HECW1: variants seen among roughly 807,000 people sequenced by gnomAD.
HECW1 encodes the protein E3 ubiquitin-protein ligase HECW1.
HECW1 carries 61 observed loss-of-function variants against 182.3 expected under a neutral mutation model. The ratio of observed to expected loss-of-function variants is 0.33; its 90% CI spans 0.27 to 0.41. The LOEUF is 0.41. Ranked by LOEUF, HECW1 falls within the 10% of genes least tolerant of loss-of-function variation. The probability of loss-of-function intolerance (pLI) is 1.00; values close to 1 mark genes in which losing one functional copy is unlikely to be tolerated. For missense variants in HECW1, 1,739 were observed against 2,108.9 expected (o/e 0.82, Z 3.44); for synonymous variants, 859 against 832.6 (o/e 1.03, Z -0.55).
At chr7:43,220,760 T>C (rs1337230306) in intron 2 of HECW1, among the ~76,000 whole-genome samples, 1 of 152,128 alleles carries the variant, frequency 6.6e-6, no homozygotes, top group Non-Finnish European at 1.5e-5. Context: ...GGCAACCAGA[T>C]AGTAGGTTTA....
rs550849641 is a variant in HECW1, at chr7:43,499,671, T to G, written c.3438-1028T>G. On this transcript the variant is annotated intron_variant, in intron 19 of 29. Coordinates refer to ENST00000395891, the MANE Select transcript of HECW1 (RefSeq NM_015052.5). ...AAGATTAAAAAAAAACATCCTTAAT[T>G]TTCCCTATTTCTGCTGCATCTCTTC... Among the ~76,000 whole-genome samples the G allele has an allele frequency of 6.8e-4, 103 of 152,272 alleles. 1 individual carries two copies. Among genetic ancestry groups the G allele is most frequent in the African/African-American group, 2.1e-3 (88 of 41,548 alleles).
At chr7:43,427,226 A>T (rs575593813) in intron 8 of HECW1, among the ~76,000 whole-genome samples, 12 of 152,322 alleles carry the variant, frequency 7.9e-5, no homozygotes, top group African/African-American at 2.9e-4. Context: ...TGATCAATAT[A>T]ATGTCAGTCA....
intron 2 of HECW1, among the ~76,000 whole-genome samples, chr7:43,163,660 A>G (rs1419460376): frequency 1.3e-5 from 2 of 152,314 alleles, no homozygotes; most frequent in East Asian, 1.9e-4. Context: ...CCCCTGGGAA[A>G]GAGTTGCCCC....
chr7:43,372,904 T>C (rs2074167931), intron 6 of HECW1, among the ~76,000 whole-genome samples: 1 of 152,122 alleles, frequency 6.6e-6, no homozygotes, highest in African/African-American at 2.4e-5. Context: ...TCAAGTGATA[T>C]AGATGCCTGT....
At position 43,265,478 on chromosome 7, in the gene HECW1, T is replaced by C. The variant is rs74904823; in HGVS notation, c.27+21546T>C. ...AGCTATAATATCAGATAACATAAGT[T>C]TATGTTGAAATGTATAAAATTGTTC... On this transcript the variant is annotated intron_variant, in intron 3 of 29. Coordinates refer to ENST00000395891, the MANE Select transcript of HECW1 (RefSeq NM_015052.5). Among the ~76,000 whole-genome samples the C allele has an allele frequency of 5.5e-3, 841 of 152,284 alleles. 6 individuals carry two copies. Among genetic ancestry groups the C allele is most frequent in the Admixed American group, 0.029 (441 of 15,290 alleles).
At chr7:43,304,421 C>T (rs1284840475) in intron 3 of HECW1, among the ~76,000 whole-genome samples, 1 of 152,164 alleles carries the variant, frequency 6.6e-6, no homozygotes, top group Non-Finnish European at 1.5e-5. Context: ...CACCCCAGCC[C>T]ACACGTTACC....
chr7:43,368,730 C>T (rs1425747708), intron 6 of HECW1, among the ~76,000 whole-genome samples: 4 of 152,166 alleles, frequency 2.6e-5, no homozygotes. Flanking sequence ...GGTCTCAAGT[C>T]TGGAGATGCT....
intron 3 of HECW1, among the ~76,000 whole-genome samples, chr7:43,306,639 T>A (rs1807604935): frequency 6.6e-6 from 1 of 152,252 alleles, no homozygotes; most frequent in Admixed American, 6.5e-5. Context: ...AGAGTCATTT[T>A]CTCTATTATA....
chr7:43,302,585 G>A (rs1044784726), intron 3 of HECW1, among the ~76,000 whole-genome samples: 3 of 152,186 alleles, frequency 2.0e-5, no homozygotes, highest in African/African-American at 7.2e-5. Context: ...TCATCATGGG[G>A]GCTCCTCACA....
intron 12 of HECW1, among the ~76,000 whole-genome samples, 168 bp downstream of exon 12, chr7:43,451,097 T>C (rs1361459317): frequency 6.6e-6 from 1 of 152,192 alleles, no homozygotes; most frequent in Non-Finnish European, 1.5e-5. Flanking sequence ...TTTTGGGGGT[T>C]TTTAGTTTGT....
In HECW1 at chr7:43,562,679, A is replaced by G. The variant is rs149818761; in HGVS notation, c.*753A>G. On this transcript the variant is annotated 3_prime_UTR_variant, in exon 30 of 30. Coordinates refer to ENST00000395891, the MANE Select transcript of HECW1 (RefSeq NM_015052.5). ...GAAGTTTAGGAGGGGGAGCATCCCT[A>G]GTGAATACTCACACCACAAGAAGGA... is the stretch of plus-strand genomic sequence containing the variant. 1 of 225,040 alleles carries G rather than the reference A, an allele frequency of 4.4e-6. No individual in the cohort carries two copies. Among genetic ancestry groups the G allele is most frequent in the Non-Finnish European group, 8.9e-6 (1 of 112,544 alleles). The allele number at this position is 225,040 out of a possible 1,614,324, so 13.9% of individuals were successfully genotyped here. A position where few individuals can be genotyped will look rare whatever the true frequency, so the allele number is the denominator to read the frequency against.
intron 2 of HECW1, among the ~76,000 whole-genome samples, chr7:43,240,297 C>T (rs1039864872): frequency 1.3e-5 from 2 of 152,060 alleles, no homozygotes; most frequent in African/African-American, 4.8e-5. Flanking sequence ...GAGATCTGGC[C>T]ACTACACTCC....
At chr7:43,124,436 C>G (rs376758597) in intron 2 of HECW1, among the ~76,000 whole-genome samples, 1 of 152,222 alleles carries the variant, frequency 6.6e-6, no homozygotes, top group Non-Finnish European at 1.5e-5. Flanking sequence ...TTTGTAGATT[C>G]ATAGAATGCT....
chr7:43,353,115 C>T (rs914601791), intron 5 of HECW1, among the ~76,000 whole-genome samples: 4 of 151,878 alleles, frequency 2.6e-5, no homozygotes, highest in African/African-American at 4.8e-5. Flanking sequence ...TGCTCTACTT[C>T]GTGAAGGACA....
chr7:43,233,277 C>T (rs941714259), intron 2 of HECW1, among the ~76,000 whole-genome samples: 2 of 152,204 alleles, frequency 1.3e-5, no homozygotes, highest in South Asian at 2.1e-4. Flanking sequence ...CACCAACTAA[C>T]ATAATTTATT....
At chr7:43,280,021 G>A (rs1387500073) in intron 3 of HECW1, among the ~76,000 whole-genome samples, 1 of 152,224 alleles carries the variant, frequency 6.6e-6, no homozygotes, top group Non-Finnish European at 1.5e-5. Flanking sequence ...GGAGGCTGAA[G>A]AGGAGAAGGT....
intron 9 of HECW1, among the ~76,000 whole-genome samples, chr7:43,441,475 C>T (rs1364100449): frequency 6.6e-6 from 1 of 152,142 alleles, no homozygotes; most frequent in Non-Finnish European, 1.5e-5. Flanking sequence ...CTGGCACTGT[C>T]CATCGTTGAG....
chr7:43,556,115 G>T (rs367564490), intron 29 of HECW1, among the ~76,000 whole-genome samples: 1 of 152,170 alleles, frequency 6.6e-6, no homozygotes, highest in Non-Finnish European at 1.5e-5. Context: ...AGGAGCACAG[G>T]GGGTAAGAGC....
chr7:43,237,174 TA>T (rs1441058567), intron 2 of HECW1, among the ~76,000 whole-genome samples: 33 of 138,188 alleles, frequency 2.4e-4, no homozygotes, highest in African/African-American at 9.0e-4. Flanking sequence ...GGTAGGTAGG[TA>T]GGTAGGTAGG....
Sources: allele counts gnomAD v4.1 joint callset (sites outside exome capture counted in the v4.1 genomes callset), GRCh38; gene constraint gnomAD v4.1.1; transcripts MANE v1.5; gene names NCBI Gene and HGNC (gene_info 2026-07-23, HGNC 2026-07-21).